Variants in ZNF385D observed in about 807,000 individuals in gnomAD.
ZNF385D encodes zinc finger protein 659.
Under a neutral mutation model 35.8 loss-of-function variants are expected in ZNF385D, and 15 were observed. The observed-to-expected ratio is 0.42, with a 90% CI of 0.28 to 0.64. ZNF385D has a LOEUF of 0.64. Ranked by LOEUF, ZNF385D falls within the 30% of genes least tolerant of loss-of-function variation. The probability of loss-of-function intolerance (pLI) is 0.23; values close to 1 mark genes in which losing one functional copy is unlikely to be tolerated. For missense variants in ZNF385D, 474 were observed against 494.6 expected (o/e 0.96, Z 0.39); for synonymous variants, 212 against 186.8 (o/e 1.13, Z -1.10).
At chr3:21,651,913 A>T (rs561199562) in intron 2 of ZNF385D, among the ~76,000 whole-genome samples, 1 of 152,208 alleles carries the variant, frequency 6.6e-6, no homozygotes, top group Non-Finnish European at 1.5e-5. Context: ...AGAAATAATT[A>T]AAGGGCAGTG....
At chr3:22,320,280 G>T (rs115131025) in intron 2 of ZNF385D, among the ~76,000 whole-genome samples, 1 of 152,012 alleles carries the variant, frequency 6.6e-6, no homozygotes, top group Non-Finnish European at 1.5e-5. Flanking sequence ...AACCAAGGAA[G>T]GTTTGAATAG....
chr3:21,806,256 C>G (rs1199699371), intron 3 of ZNF385D, among the ~76,000 whole-genome samples: 1 of 149,492 alleles, frequency 6.7e-6, no homozygotes, highest in African/African-American at 2.5e-5. Context: ...CCAATCTAAA[C>G]TCTTTTTGTA....
At chr3:21,921,440 T>A (rs1700456503) in intron 3 of ZNF385D, among the ~76,000 whole-genome samples, 1 of 152,150 alleles carries the variant, frequency 6.6e-6, no homozygotes, top group South Asian at 2.1e-4. Context: ...TATGACAAGA[T>A]ATGTCACATT....
At chr3:22,274,349 T>C (rs1223037160) in intron 2 of ZNF385D, among the ~76,000 whole-genome samples, 1 of 152,020 alleles carries the variant, frequency 6.6e-6, no homozygotes, top group Non-Finnish European at 1.5e-5. Flanking sequence ...ATGAGGACAG[T>C]ATGATATCTC....
intron 2 of ZNF385D, among the ~76,000 whole-genome samples, chr3:21,623,328 C>T (rs1019702138): frequency 3.3e-5 from 5 of 151,982 alleles, no homozygotes; most frequent in African/African-American, 7.3e-5. Context: ...CATTAATAAC[C>T]GATCTCAGGG....
At chr3:22,247,649 A>C (rs1699857438) in intron 2 of ZNF385D, among the ~76,000 whole-genome samples, 1 of 93,836 alleles carries the variant, frequency 1.1e-5, no homozygotes, top group Non-Finnish European at 2.1e-5. Context: ...ATTTATTGAG[A>C]TGGAGTCTCT....
At chr3:21,798,033 G>T (rs927359787) in intron 3 of ZNF385D, among the ~76,000 whole-genome samples, 1 of 152,160 alleles carries the variant, frequency 6.6e-6, no homozygotes, top group Non-Finnish European at 1.5e-5. Flanking sequence ...ATGGACACTG[G>T]CAACAATGAT....
intron 1 of ZNF385D, among the ~76,000 whole-genome samples, chr3:21,692,565 A>G (rs566631622): frequency 3.9e-5 from 6 of 152,344 alleles, no homozygotes; most frequent in African/African-American, 1.4e-4. Context: ...ACTTGACACC[A>G]GTCACTTTGT....
chr3:21,848,249 T>A (rs2125802710), intron 3 of ZNF385D, among the ~76,000 whole-genome samples: 1 of 152,178 alleles, frequency 6.6e-6, no homozygotes, highest in African/African-American at 2.4e-5. Flanking sequence ...CATTTGTTTG[T>A]CCATGAAAAC....
At chr3:21,891,757 T>C (rs73129303) in intron 3 of ZNF385D, among the ~76,000 whole-genome samples, 1,821 of 152,292 alleles carry the variant, frequency 0.012, 32 homozygotes, top group African/African-American at 0.042. Context: ...AATGAGGTGG[T>C]AGTCTATTGT....
chr3:21,792,711 G>A lies in ZNF385D; in HGVS notation c.326-127683C>T, dbSNP rs193123844. Among the ~76,000 whole-genome samples the A allele has an allele frequency of 2.6e-4, 40 of 152,108 alleles. 1 individual carries two copies. Among genetic ancestry groups the A allele is most frequent in the Admixed American group, 1.4e-3 (22 of 15,266 alleles). On this transcript the variant is annotated intron_variant, in intron 3 of 5. Transcript: ENST00000494108. ...CTAGACCCCCTTTTAGTCATTTCCCGTCCTGCTCACTCCTCAAAAGAGGAC... is the reference window on the plus strand; with the variant it reads ...CTAGACCCCCTTTTAGTCATTTCCCATCCTGCTCACTCCTCAAAAGAGGAC...
At chr3:22,202,044 T>C (rs113359883) in intron 2 of ZNF385D, among the ~76,000 whole-genome samples, 465 of 152,180 alleles carry the variant, frequency 3.1e-3, no homozygotes, top group African/African-American at 0.011. Flanking sequence ...TAAAGTTTTT[T>C]ATTTCTATTT....
chr3:21,776,106 GTTAA>G (rs997613366), intron 3 of ZNF385D, among the ~76,000 whole-genome samples: 3 of 151,548 alleles, frequency 2.0e-5, no homozygotes, highest in East Asian at 1.9e-4. Context: ...TGCAAAATAT[GTTAA>G]TTATTTAATT....
intron 2 of ZNF385D, among the ~76,000 whole-genome samples, chr3:21,594,275 G>A (rs2064066621): frequency 6.6e-6 from 1 of 152,188 alleles, no homozygotes; most frequent in African/African-American, 2.4e-5. Flanking sequence ...TGGTTGTAGA[G>A]CTAGCTAATA....
At chr3:22,285,896 A>T (rs1701998345) in intron 2 of ZNF385D, among the ~76,000 whole-genome samples, 1 of 152,176 alleles carries the variant, frequency 6.6e-6, no homozygotes, top group East Asian at 1.9e-4. Context: ...TATAAATCTT[A>T]TGCCAAACCG....
rs1196809842 is a variant in ZNF385D, at chr3:22,033,415, A to AATAATC, written c.325+135401_325+135402insGATTAT. On this transcript the variant is annotated intron_variant, in intron 3 of 5. Transcript: ENST00000494108. ...AGGCTGGCTCCAAAATAATAATAAT[A>AATAATC]ATAATAATAATAATAATAATAATAA... Among the ~76,000 whole-genome samples, 3 of 129,170 alleles carry AATAATC rather than the reference A, an allele frequency of 2.3e-5. No individual in the cohort carries two copies. In the South Asian group the frequency reaches 7.5e-4, roughly 32 times the overall value. The allele number at this position is 129,170 out of a possible 152,430, so 84.7% of individuals were successfully genotyped here. A position where few individuals can be genotyped will look rare whatever the true frequency, so the allele number is the denominator to read the frequency against.
At chr3:21,435,731 T>C (rs1238338166) in intron 5 of ZNF385D, among the ~76,000 whole-genome samples, 1 of 152,198 alleles carries the variant, frequency 6.6e-6, no homozygotes, top group Non-Finnish European at 1.5e-5. Context: ...ATATCTTGCG[T>C]TCAAGAAGAA....
intron 3 of ZNF385D, among the ~76,000 whole-genome samples, chr3:21,780,390 C>T (rs1197037394): frequency 2.6e-5 from 4 of 152,096 alleles, no homozygotes; most frequent in African/African-American, 7.2e-5. Flanking sequence ...TTTCCCCTGA[C>T]ATTTTCCTCT....
At chr3:22,176,006 G>C (rs1694809326) in intron 2 of ZNF385D, among the ~76,000 whole-genome samples, 1 of 150,914 alleles carries the variant, frequency 6.6e-6, no homozygotes, top group South Asian at 2.1e-4. Context: ...TATTAAAATT[G>C]TAAATAGTTC....
Sources: gnomAD v4.1 joint callset for allele counts (sites outside exome capture counted in the v4.1 genomes callset) on GRCh38, gnomAD v4.1.1 for gene constraint, MANE v1.5 for transcripts, NCBI Gene and HGNC (gene_info 2026-07-23, HGNC 2026-07-21) for gene names.